The following POC1B variants were observed in gnomAD, a reference collection of about 807,000 sequenced individuals.
The protein encoded by POC1B is POC1 centriolar protein homolog B.
In POC1B, 44 loss-of-function variants were observed where a neutral mutation model predicts 60.6. That is an observed-to-expected ratio of 0.73 (90% CI 0.57 to 0.93). The LOEUF (loss-of-function observed/expected upper bound fraction) is 0.93. POC1B is among the 40% of genes least tolerant of loss of function. The pLI is 0.00. For missense variants in POC1B, 555 were observed against 572.3 expected (o/e 0.97, Z 0.31); for synonymous variants, 180 against 198.9 (o/e 0.90, Z 0.80).
chr12:89,503,774 TCTGAGAAGTGAGGAGCCCCTCCGCCC>T (rs1869736654), intron 2 of POC1B, among the ~76,000 whole-genome samples: 1 of 138,338 alleles, frequency 7.2e-6, no homozygotes, highest in Non-Finnish European at 1.5e-5. Context: ...AGCCGCCCCA[TCTGAGAAGTGAGGAGCCCCTCCGCCC>T]GGCAGCCGCC....
chr12:89,427,725 C>T (rs1880831440), intron 10 of POC1B: 1 of 152,038 alleles, frequency 6.6e-6, no homozygotes. Context: ...CAAAACAAAA[C>T]AAAACCACAT....
intron 10 of POC1B, chr12:89,426,371 CT>C (rs752915228): frequency 6.6e-6 from 1 of 152,040 alleles, no homozygotes; most frequent in Non-Finnish European, 1.5e-5. Context: ...GAATTGTATA[CT>C]TAAGAATGGT....
At chr12:89,500,539 T>G in intron 2 of POC1B, 1 of 1,607,012 alleles carries the variant, frequency 6.2e-7, no homozygotes, top group African/African-American at 1.3e-5. Flanking sequence ...GTGAAGCTGA[T>G]GAAGAATTTT....
At chr12:89,466,092 G>C (rs1006400312) in intron 9 of POC1B, among the ~76,000 whole-genome samples, 3 of 152,190 alleles carry the variant, frequency 2.0e-5, no homozygotes, top group African/African-American at 7.2e-5. Flanking sequence ...AGATGAACAG[G>C]TAATTTCTGA....
At chr12:89,408,709 G>A in the POC1B span, among the ~76,000 whole-genome samples, 3 of 152,100 alleles carry the variant, frequency 2.0e-5, no homozygotes, top group South Asian at 2.1e-4. Flanking sequence ...GGATGGTCTC[G>A]ATCTCCTGAC....
chr12:89,509,194 C>T (rs944390940), intron 2 of POC1B, among the ~76,000 whole-genome samples: 8 of 152,138 alleles, frequency 5.3e-5, no homozygotes, highest in Non-Finnish European at 8.8e-5. Context: ...TCTGTTTACT[C>T]ATTTACTTAT....
chr12:89,459,479 C>T (rs2120802929), intron 10 of POC1B, among the ~76,000 whole-genome samples, 159 bp downstream of exon 10: 1 of 149,374 alleles, frequency 6.7e-6, no homozygotes, highest in South Asian at 2.1e-4. Flanking sequence ...TATTTAGATG[C>T]ATTGTAAATA....
At chr12:89,479,379 G>A (rs1883235054) in intron 4 of POC1B, among the ~76,000 whole-genome samples, 1 of 151,974 alleles carries the variant, frequency 6.6e-6, no homozygotes, top group African/African-American at 2.4e-5. Flanking sequence ...CACCACCTTT[G>A]AATACAAAGC....
intron 2 of POC1B, chr12:89,523,194 C>A (rs1420294821): frequency 6.2e-7 from 1 of 1,613,838 alleles, no homozygotes; most frequent in East Asian, 2.2e-5. Flanking sequence ...CAGACGAGAT[C>A]CCTCTACTGC....
the POC1B span, among the ~76,000 whole-genome samples, chr12:89,408,798 T>A: frequency 6.6e-6 from 1 of 152,230 alleles, no homozygotes; most frequent in Non-Finnish European, 1.5e-5. Context: ...GTTTCCTGAC[T>A]TTTTAATGAT....
intron 2 of POC1B, among the ~76,000 whole-genome samples, chr12:89,503,110 T>TATCCCTATCCCTATCC (rs76839402): frequency 6.6e-6 from 1 of 151,620 alleles, no homozygotes; most frequent in African/African-American, 2.4e-5. Context: ...TCCCTATCCC[T>TATCCCTATCCCTATCC]CTCTCCCCAC....
chr12:89,472,027 C>G (rs1009379018), intron 5 of POC1B, 141 bp downstream of exon 5: 2 of 636,458 alleles, frequency 3.1e-6, no homozygotes, highest in Non-Finnish European at 5.3e-6. Flanking sequence ...CTCAGCCTCC[C>G]GAAGTGCTGG....
At chr12:89,522,074 A>G in intron 2 of POC1B, 1 of 399,060 alleles carries the variant, frequency 2.5e-6, no homozygotes, top group Non-Finnish European at 4.4e-6. Flanking sequence ...ACACGTTCAC[A>G]GAGAAGACAG....
At chr12:89,413,259 G>A in the POC1B span, among the ~76,000 whole-genome samples, 2 of 152,110 alleles carry the variant, frequency 1.3e-5, no homozygotes, top group Admixed American at 6.6e-5. Context: ...AGGCTGGAGT[G>A]CACTGGTGCA....
intron 10 of POC1B, among the ~76,000 whole-genome samples, chr12:89,453,148 C>A (rs1882122944): frequency 6.6e-6 from 1 of 152,038 alleles, no homozygotes; most frequent in Non-Finnish European, 1.5e-5. Context: ...TTTTAAATGT[C>A]TTTGACAATT....
intron 10 of POC1B, among the ~76,000 whole-genome samples, chr12:89,449,862 C>G (rs1167637730): frequency 6.6e-6 from 1 of 152,036 alleles, no homozygotes; most frequent in Non-Finnish European, 1.5e-5. Flanking sequence ...AAGAGAAAGT[C>G]TCCAAAGAGA....
chr12:89,525,518 A>C (rs1478055637), intron 1 of POC1B: 2 of 1,309,886 alleles, frequency 1.5e-6, no homozygotes, highest in Non-Finnish European at 1.9e-6. Context: ...GGCCCAAGGC[A>C]GGCAGGTGCG....
chr12:89,441,550 G>A (rs1023375787), intron 10 of POC1B, among the ~76,000 whole-genome samples: 4 of 152,164 alleles, frequency 2.6e-5, no homozygotes, highest in African/African-American at 4.8e-5. Flanking sequence ...TGCAGCTGAG[G>A]GTCCTGACTG....
intron 2 of POC1B, chr12:89,500,982 G>T: frequency 1.1e-6 from 1 of 911,094 alleles, no homozygotes; most frequent in East Asian, 2.5e-5. Flanking sequence ...GTGTCCTCCC[G>T]ATGATATGAA....
Sources: allele counts gnomAD v4.1 joint callset (sites outside exome capture counted in the v4.1 genomes callset), GRCh38; gene constraint gnomAD v4.1.1; transcripts MANE v1.5; gene names NCBI Gene and HGNC (gene_info 2026-07-23, HGNC 2026-07-21).